Variants in GON7 observed in about 807,000 individuals in gnomAD.
GON7 encodes EKC/KEOPS complex subunit GON7.
In GON7, 2 loss-of-function variants were observed where a neutral mutation model predicts 7.6. That is an observed-to-expected ratio of 0.26 (90% CI 0.11 to 0.83). The LOEUF (loss-of-function observed/expected upper bound fraction) is 0.83. GON7 is among the 40% of genes least tolerant of loss of function. The pLI is 0.65. For synonymous variants in GON7, 54 were observed against 56.6 expected (o/e 0.95, Z 0.20); for missense variants, 121 against 132.2 (o/e 0.92, Z 0.42).
chr14:93,205,536 G>A (rs749393650), intron 1 of GON7, among the ~76,000 whole-genome samples: 5 of 152,102 alleles, frequency 3.3e-5, no homozygotes, highest in Non-Finnish European at 7.4e-5. Context: ...GAGTGGGGGC[G>A]GGTGCCTGTA....
Position 93,207,028 on chromosome 14 carries a change from G to A in GON7, c.10C>T (p.Leu4=). 6.2e-7 allele frequency: 1 copy of A among 1,613,232 alleles called. No individual in the cohort carries two copies. Among genetic ancestry groups the A allele is most frequent in the East Asian group, 2.2e-5 (1 of 44,890 alleles). MEL[L]GEYVGQEGKP... is the part of the protein sequence containing the mutation. ...CCTTCCTGCCCGACGTACTCTCCCA[G>A]CAGCTCCATGGTGACCGCTAAGCTT... The change falls in exon 1 of 2, where the codon CTG becomes TTG. Residue 4 remains leucine (L), a synonymous_variant. Coordinates refer to ENST00000306954, the MANE Select transcript of GON7 (RefSeq NM_032490.5).
chr14:93,204,027 T>C (rs1894296640), intron 1 of GON7, among the ~76,000 whole-genome samples: 1 of 152,168 alleles, frequency 6.6e-6, no homozygotes. Context: ...GAGATAGTCT[T>C]GCTCTGTCGC....
chr14:93,203,894 G>T, intron 1 of GON7, 112 bp from the exon 2 acceptor site: 3 of 619,916 alleles, frequency 4.8e-6, no homozygotes, highest in East Asian at 2.9e-5. Flanking sequence ...AATAAAACCT[G>T]CACATTTTAG....
In GON7 at chr14:93,203,654, A is replaced by C; in HGVS notation, c.*34T>G. 1 of 1,563,748 alleles carries C rather than the reference A, an allele frequency of 6.4e-7. No homozygotes were observed. The highest frequency in any genetic ancestry group is 1.1e-5 in the South Asian group (1 of 89,930). On this transcript the variant is annotated 3_prime_UTR_variant, in exon 2 of 2. Coordinates refer to ENST00000306954, the MANE Select transcript of GON7 (RefSeq NM_032490.5). ...TGTCCTAGTGTGACAATAAGGATACAACAGCCATCTTTTAAATGTCATGAA... is the reference window on the plus strand; with the variant it reads ...TGTCCTAGTGTGACAATAAGGATACCACAGCCATCTTTTAAATGTCATGAA...
chr14:93,204,704 A>T (rs1298112882), intron 1 of GON7, among the ~76,000 whole-genome samples: 3 of 152,228 alleles, frequency 2.0e-5, no homozygotes, highest in Non-Finnish European at 4.4e-5. Context: ...TTCAAGGTTC[A>T]TTCATGTTGT....
At chr14:93,206,559 AAAT>A (rs1206557594) in intron 1 of GON7, among the ~76,000 whole-genome samples, 2 of 151,962 alleles carry the variant, frequency 1.3e-5, no homozygotes, top group African/African-American at 4.8e-5. Context: ...ATTATTTTAA[AAAT>A]AATAATAGAA....
chr14:93,204,871 CTG>C (rs1295447488), intron 1 of GON7, among the ~76,000 whole-genome samples: 1 of 152,112 alleles, frequency 6.6e-6, no homozygotes, highest in Non-Finnish European at 1.5e-5. Flanking sequence ...AGGCCTCACT[CTG>C]TCCTCCAGGC....
Position 93,206,230 on chromosome 14 carries a change from C to T in GON7, c.208+600G>A, listed in dbSNP as rs562100278. ...TTCACCATATTGGCCAGGCTTGTCTCGAACTCCTGACCTCGTGATCTGCCT... is the reference window on the plus strand; with the variant it reads ...TTCACCATATTGGCCAGGCTTGTCTTGAACTCCTGACCTCGTGATCTGCCT... On this transcript the variant is annotated intron_variant, in intron 1 of 1. Coordinates refer to ENST00000306954, the MANE Select transcript of GON7 (RefSeq NM_032490.5). Among the ~76,000 whole-genome samples the T allele has an allele frequency of 3.3e-5, 5 of 152,282 alleles. No homozygotes were observed. In the South Asian group the frequency reaches 1.0e-3, roughly 32 times the overall value.
intron 1 of GON7, among the ~76,000 whole-genome samples, chr14:93,205,598 G>GA (rs1894323624): frequency 6.6e-6 from 1 of 151,478 alleles, no homozygotes; most frequent in African/African-American, 2.4e-5. Context: ...ACCGGGGAGG[G>GA]AGAGGTTGCA....
chr14:93,206,424 A>G (rs1166068271), intron 1 of GON7, among the ~76,000 whole-genome samples: 1 of 152,230 alleles, frequency 6.6e-6, no homozygotes, highest in Non-Finnish European at 1.5e-5. Context: ...GGTTTGGCAC[A>G]TAATAGTAGG....
At chr14:93,204,105 T>C (rs901843074) in intron 1 of GON7, among the ~76,000 whole-genome samples, 4 of 152,088 alleles carry the variant, frequency 2.6e-5, no homozygotes, top group African/African-American at 7.2e-5. Context: ...AAGCGATTCC[T>C]CTGTCTCAGC....
intron 1 of GON7, among the ~76,000 whole-genome samples, chr14:93,206,457 A>T (rs1306822705): frequency 6.6e-6 from 1 of 152,200 alleles, no homozygotes; most frequent in Non-Finnish European, 1.5e-5. Flanking sequence ...TTTTTTGTGA[A>T]ATAAACGAAA....
In GON7 at chr14:93,206,940, A is replaced by T; in HGVS notation, c.98T>A (p.Leu33Gln). 1 of 1,614,222 alleles carries T rather than the reference A, an allele frequency of 6.2e-7. No individual in the cohort carries two copies. The highest frequency in any genetic ancestry group is 1.1e-5 in the South Asian group (1 of 91,086). The part of the protein sequence containing the change: ...APGDGDPFQG[L>Q]LSGVAQMKDM... ...CTTCATCTGGGCCACGCCAGACAAC[A>T]GGCCCTGGAAAGGGTCGCCGTCACC... The change falls in exon 1 of 2, where the codon CTG (leucine) becomes CAG (glutamine). Residue 33 changes from leucine to glutamine, a missense_variant. Physicochemically the swap from Leu to Gln is moderately radical, Grantham distance 113. Transcript: ENST00000306954.
In GON7 at chr14:93,202,916, A is replaced by T. The variant is rs915306798; in HGVS notation, c.*772T>A. 2.3e-4 allele frequency: 35 copies of T among 152,374 alleles called. No homozygotes were observed. Among genetic ancestry groups the T allele is most frequent in the African/African-American group, 8.2e-4 (34 of 41,592 alleles). 9.4% of individuals were successfully genotyped at this position (152,374 alleles called of 1,614,324 possible). A position where few individuals can be genotyped will look rare whatever the true frequency, so the allele number is the denominator to read the frequency against. ...ACATATTTTAGGAATATATATTTTT[A>T]AAAGGATTCAATAATCTTTTTAAAG... On this transcript the variant is annotated 3_prime_UTR_variant, in exon 2 of 2. Coordinates refer to ENST00000306954, the MANE Select transcript of GON7 (RefSeq NM_032490.5).
rs1003800435 is a variant in GON7 at position 93,206,334 on chromosome 14, G to T, written c.208+496C>A. Reference sequence around the variant, plus strand: ...ACTTCCACTTTTAATAAGAGTGTCTGCCTGTCTAGTCCCCTTGTGTTTCAC... The same window carrying T: ...ACTTCCACTTTTAATAAGAGTGTCTTCCTGTCTAGTCCCCTTGTGTTTCAC... On this transcript the variant is annotated intron_variant, in intron 1 of 1. Coordinates refer to ENST00000306954, the MANE Select transcript of GON7 (RefSeq NM_032490.5). Among the ~76,000 whole-genome samples, 4 of 151,344 alleles carry T rather than the reference G, an allele frequency of 2.6e-5. 1 individual carries two copies. The highest frequency in any genetic ancestry group is 9.7e-5 in the African/African-American group (4 of 41,158).
intron 1 of GON7, among the ~76,000 whole-genome samples, chr14:93,204,336 G>A (rs544747392): frequency 1.3e-5 from 2 of 152,176 alleles, no homozygotes; most frequent in Non-Finnish European, 2.9e-5. Flanking sequence ...GTGGTTTTTA[G>A]TATATTCACT....
chr14:93,203,697 T>G lies in GON7; in HGVS notation c.294A>C (p.Thr98=), dbSNP rs754152964. The stretch of plus-strand genomic sequence containing the variant: ...GTCATGAAGGCTATTGTTAAGACGG[T>G]GTTTTTGGCCGTTTTGCAGATGGTC... ...FDGPSAKRPK[T]PS is the part of the protein sequence containing the mutation. Residue 98 remains threonine (T), a synonymous_variant, in exon 2 of 2, where the codon ACA becomes ACC. Coordinates refer to ENST00000306954, the MANE Select transcript of GON7 (RefSeq NM_032490.5). 1.9e-6 allele frequency: 3 copies of G among 1,613,878 alleles called. No homozygotes were observed. The highest frequency in any genetic ancestry group is 1.1e-5 in the South Asian group (1 of 91,074).
chr14:93,206,700 T>G, intron 1 of GON7, 130 bp downstream of exon 1: 1 of 1,054,668 alleles, frequency 9.5e-7, no homozygotes, highest in Non-Finnish European at 1.3e-6. Context: ...CCAAAAATTT[T>G]TAGATGCAAT....
chr14:93,205,607 C>T (rs1894323804), intron 1 of GON7, among the ~76,000 whole-genome samples: 1 of 151,194 alleles, frequency 6.6e-6, no homozygotes, highest in African/African-American at 2.4e-5. Context: ...GGAGAGGTTG[C>T]AGTGAGCCAA....
Sources: gnomAD v4.1 joint callset for allele counts (sites outside exome capture counted in the v4.1 genomes callset) on GRCh38, gnomAD v4.1.1 for gene constraint, MANE v1.5 for transcripts, NCBI Gene and HGNC (gene_info 2026-07-23, HGNC 2026-07-21) for gene names.